Variants in LRPPRC observed in about 807,000 individuals in gnomAD.
The protein encoded by LRPPRC is leucine rich pentatricopeptide repeat containing.
A neutral mutation model predicts 180.3 loss-of-function variants in LRPPRC; 120 were observed. The ratio of observed to expected loss-of-function variants is 0.67; its 90% confidence interval spans 0.57 to 0.77. The LOEUF (loss-of-function observed/expected upper bound fraction) is 0.77. Ranked by LOEUF, LRPPRC falls within the 30% of genes least tolerant of loss-of-function variation. The pLI is 0.00. For missense variants in LRPPRC, 2,012 were observed against 1,657.2 expected (o/e 1.21, Z -3.72); for synonymous variants, 723 against 600.0 (o/e 1.21, Z -3.00).
At chr2:43,976,315 T>C (rs1355636602) in intron 5 of LRPPRC, 86 bp from the exon 6 acceptor site, 2 of 768,040 alleles carry the variant, frequency 2.6e-6, no homozygotes, top group Non-Finnish European at 4.6e-6. Context: ...TTGAGTTACT[T>C]TTGTTTTTAA....
chr2:43,891,854 C>A (rs569914692), intron 36 of LRPPRC, among the ~76,000 whole-genome samples: 2 of 152,340 alleles, frequency 1.3e-5, no homozygotes, highest in East Asian at 3.8e-4. Flanking sequence ...TTGCGTGGAA[C>A]AGCCAGTTGT....
chr2:43,911,320 C>T (rs1671247788), intron 30 of LRPPRC, among the ~76,000 whole-genome samples: 1 of 151,846 alleles, frequency 6.6e-6, no homozygotes, highest in Non-Finnish European at 1.5e-5. Flanking sequence ...TCATACAGAA[C>T]ATGTTTTTCA....
intron 30 of LRPPRC, among the ~76,000 whole-genome samples, chr2:43,910,916 G>A (rs1671233404): frequency 6.6e-6 from 1 of 151,992 alleles, no homozygotes; most frequent in East Asian, 1.9e-4. Flanking sequence ...TAAGTTTTCT[G>A]TCTTTGCTTC....
chr2:43,920,457 A>C (rs1347425009), intron 27 of LRPPRC, among the ~76,000 whole-genome samples: 1 of 152,040 alleles, frequency 6.6e-6, no homozygotes, highest in Admixed American at 6.6e-5. Context: ...TTTCATACAG[A>C]CTACATCGCA....
chr2:43,899,207 G>A lies in LRPPRC; in HGVS notation c.3825+12C>T. ...CTCGAGCCCCACTGCTCCATGAGTG[G>A]AGGGTCATTACCTGTAGGAGAGCTC... is the stretch of plus-strand genomic sequence containing the variant. On this transcript the variant is annotated intron_variant, in intron 34 of 37. Coordinates refer to ENST00000260665, the MANE Select transcript of LRPPRC (RefSeq NM_133259.4). 6.3e-7 allele frequency: 1 copy of A among 1,590,760 alleles called. No homozygotes were observed. The highest frequency in any genetic ancestry group is 8.6e-7 in the Non-Finnish European group (1 of 1,158,982).
intron 1 of LRPPRC, among the ~76,000 whole-genome samples, chr2:43,987,093 T>C (rs560790907): frequency 1.1e-4 from 17 of 152,326 alleles, no homozygotes; most frequent in African/African-American, 3.4e-4. Context: ...CCTTGCACAG[T>C]TGGAATAAAT....
At chr2:43,920,147 T>A (rs570766673) in intron 27 of LRPPRC, among the ~76,000 whole-genome samples, 10 of 151,734 alleles carry the variant, frequency 6.6e-5, no homozygotes, top group Non-Finnish European at 1.2e-4. Context: ...GCCTATATAT[T>A]TTTTTTGAGA....
chr2:43,963,593 A>G lies in LRPPRC; in HGVS notation c.1483T>C (p.Leu495=), dbSNP rs776625525. 3.2e-6 allele frequency: 5 copies of G among 1,581,752 alleles called. No homozygotes were observed. The South Asian group carries it at 4.4e-5, about 14-fold the overall frequency. ...FDSVNSARAI[L]QENGCLSDSD... ...AAAACCACACTTGTACTCACCTGCA[A>G]AATGGCTCGTGCTGAGTTTACACTA... The change falls in exon 12 of 38, where the codon TTG becomes CTG. Residue 495 remains leucine, a synonymous_variant. Coordinates refer to ENST00000260665, the MANE Select transcript of LRPPRC (RefSeq NM_133259.4).
At chr2:43,915,456 C>A (rs377557982) in intron 29 of LRPPRC, among the ~76,000 whole-genome samples, 7 of 151,840 alleles carry the variant, frequency 4.6e-5, no homozygotes, top group African/African-American at 1.7e-4. Context: ...GAGGCCAAGG[C>A]GGGCAGATCA....
In LRPPRC at chr2:43,995,817, C is replaced by G. The variant is rs1289499915; in HGVS notation, c.131G>C (p.Arg44Pro). Residue 44 changes from arginine to proline, a missense_variant, in exon 1 of 38, where the codon CGC (arginine) becomes CCC (proline). Coordinates refer to ENST00000260665, the MANE Select transcript of LRPPRC (RefSeq NM_133259.4). ...CACTCACCCGGCCACGGGCCCGGCG[C>G]GAGCGGCGGGCAGATAGGAGGCGGC... ...LHAASYLPAA[R>P]AGPVAGGLLS... The G allele has an allele frequency of 1.4e-6, 2 of 1,408,476 alleles. No homozygotes were observed. The highest frequency in any genetic ancestry group is 9.1e-7 in the Non-Finnish European group (1 of 1,093,466). The allele number at this position is 1,408,476 out of a possible 1,614,324, so 87.2% of individuals were successfully genotyped here. A position where few individuals can be genotyped will look rare whatever the true frequency, so the allele number is the denominator to read the frequency against.
intron 29 of LRPPRC, among the ~76,000 whole-genome samples, chr2:43,917,160 C>T (rs888864643): frequency 6.7e-6 from 1 of 150,166 alleles, no homozygotes; most frequent in African/African-American, 2.5e-5. Context: ...CCGGCCTCAT[C>T]CTCCCGAGTA....
rs1558994724 is a variant in LRPPRC, at chr2:43,949,650, A to G, written c.1687T>C (p.Leu563=). The G allele has an allele frequency of 1.7e-5, 28 of 1,613,492 alleles. No homozygotes were observed. The highest frequency in any genetic ancestry group is 4.5e-5 in the East Asian group (2 of 44,874). ...CAATAACGTCCATCCTTGTACAACA[A>G]TTCTGTTATCTGGTAAGACAGAAAA... is the stretch of plus-strand genomic sequence containing the variant. ...NINLWSEITE[L]LYKDGRYCQE... is the part of the protein sequence containing the mutation. Residue 563 remains leucine, a synonymous_variant, in exon 16 of 38, where the codon TTG becomes CTG. Transcript: ENST00000260665.
At chr2:43,911,523 C>CTTTTTTTTTTTTTTTTTTTTT (rs531172761) in intron 30 of LRPPRC, among the ~76,000 whole-genome samples, 1 of 92,372 alleles carries the variant, frequency 1.1e-5, no homozygotes, top group Non-Finnish European at 2.0e-5. Context: ...TCTTCTTCTT[C>CTTTTTTTTTTTTTTTTTTTTT]TTTTTTTTTT....
At chr2:43,918,234 C>G (rs757955269) in intron 28 of LRPPRC, 22 bp downstream of exon 28, 1 of 1,611,736 alleles carries the variant, frequency 6.2e-7, no homozygotes. Context: ...AAATCTGTTA[C>G]GATTATGCCA....
In LRPPRC at chr2:43,888,501, A is replaced by G. The variant is rs996485750; in HGVS notation, c.*99T>C. On this transcript the variant is annotated 3_prime_UTR_variant, in exon 38 of 38. Coordinates refer to ENST00000260665, the MANE Select transcript of LRPPRC (RefSeq NM_133259.4). Reference sequence around the variant, plus strand: ...ATGCATCACACATACATAAGTACATAAAGAAAATTTTCATTTATTTTTCCC... The same window carrying G: ...ATGCATCACACATACATAAGTACATGAAGAAAATTTTCATTTATTTTTCCC... 72 of 775,120 alleles carry G rather than the reference A, an allele frequency of 9.3e-5. No individual in the cohort carries two copies. In the African/African-American group the frequency reaches 1.2e-3, roughly 13 times the overall value. 48.0% of individuals were successfully genotyped at this position (775,120 alleles called of 1,614,324 possible).
At chr2:43,891,077 T>C (rs1670473906) in intron 36 of LRPPRC, among the ~76,000 whole-genome samples, 1 of 152,174 alleles carries the variant, frequency 6.6e-6, no homozygotes. Context: ...ACTCATCAGC[T>C]CTTAGTGGAG....
In LRPPRC at chr2:43,957,378, A is replaced by G; in HGVS notation, c.1649+7T>C. 3 of 1,605,094 alleles carry G rather than the reference A, an allele frequency of 1.9e-6. No homozygotes were observed. The South Asian group carries it at 3.3e-5, about 18-fold the overall frequency. Reference sequence around the variant, plus strand: ...CAGGCAAGGAACATTTAAGTTGATCATCTTACCTCCTGAAGCCTAGCAGTA... The same window carrying G: ...CAGGCAAGGAACATTTAAGTTGATCGTCTTACCTCCTGAAGCCTAGCAGTA... On this transcript the variant is annotated splice_region_variant and intron_variant, in intron 14 of 37. Coordinates refer to ENST00000260665, the MANE Select transcript of LRPPRC (RefSeq NM_133259.4).
intron 30 of LRPPRC, among the ~76,000 whole-genome samples, chr2:43,906,907 G>C (rs1309560927): frequency 6.6e-6 from 1 of 152,098 alleles, no homozygotes; most frequent in African/African-American, 2.4e-5. Context: ...CCATTGCTCA[G>C]TTTGACTTTT....
intron 1 of LRPPRC, among the ~76,000 whole-genome samples, chr2:43,983,401 C>T (rs1674396797): frequency 6.6e-6 from 1 of 151,756 alleles, no homozygotes; most frequent in African/African-American, 2.4e-5. Context: ...AAGTAGAGTT[C>T]CCATATACTT....
Sources: gnomAD v4.1 joint callset for allele counts (sites outside exome capture counted in the v4.1 genomes callset) on GRCh38, gnomAD v4.1.1 for gene constraint, MANE v1.5 for transcripts, NCBI Gene and HGNC (gene_info 2026-07-23, HGNC 2026-07-21) for gene names.